The following RANBP2 variants were observed in gnomAD, a reference collection of about 807,000 sequenced individuals.
RANBP2 encodes RAN binding protein 2.
Under a neutral mutation model 303.6 loss-of-function variants are expected in RANBP2, and 57 were observed. The observed-to-expected ratio is 0.19, with a 90% CI of 0.15 to 0.23. The LOEUF is 0.23. Ranked by LOEUF, RANBP2 falls within the 10% of genes least tolerant of loss-of-function variation. The pLI is 1.00. For missense variants in RANBP2, 3,138 were observed against 3,780.8 expected (o/e 0.83, Z 4.46); for synonymous variants, 1,167 against 1,301.5 (o/e 0.90, Z 2.23).
the RANBP2 span, among the ~76,000 whole-genome samples, chr2:109,728,999 A>C: frequency 6.6e-6 from 1 of 152,076 alleles, no homozygotes; most frequent in African/African-American, 2.4e-5. Context: ...GGGCAGACAA[A>C]ATCCCCAAAT....
chr2:108,805,390 C>T, the RANBP2 span, among the ~76,000 whole-genome samples: 1 of 152,094 alleles, frequency 6.6e-6, no homozygotes, highest in Admixed American at 6.6e-5. Context: ...CTCATGTTCT[C>T]ATGGTTATAA....
chr2:109,712,839 GAAATGA>G, the RANBP2 span, among the ~76,000 whole-genome samples: 3 of 152,284 alleles, frequency 2.0e-5, no homozygotes, highest in South Asian at 4.1e-4. Flanking sequence ...GATTTTAAAA[GAAATGA>G]AAATGAAAGT....
the RANBP2 span, among the ~76,000 whole-genome samples, chr2:109,475,989 T>G: frequency 6.6e-6 from 1 of 152,234 alleles, no homozygotes; most frequent in Admixed American, 6.5e-5. Flanking sequence ...TGACTCTTCT[T>G]GCTCAGCTGA....
chr2:108,917,643 TA>T, the RANBP2 span, among the ~76,000 whole-genome samples: 2 of 152,104 alleles, frequency 1.3e-5, no homozygotes, highest in African/African-American at 2.4e-5. Flanking sequence ...ATGCTAAGAC[TA>T]GAGGGGGGTC....
chr2:108,934,603 C>T, the RANBP2 span, among the ~76,000 whole-genome samples: 4 of 152,120 alleles, frequency 2.6e-5, no homozygotes, highest in Non-Finnish European at 4.4e-5. Context: ...AGTCCAAGAG[C>T]GACTGGCTGC....
the RANBP2 span, among the ~76,000 whole-genome samples, chr2:109,105,704 G>A: frequency 6.6e-6 from 1 of 151,596 alleles, no homozygotes; most frequent in Non-Finnish European, 1.5e-5. Flanking sequence ...ACAGGCATGC[G>A]CCACCACGCC....
chr2:108,776,994 T>C (rs1677934685), intron 24 of RANBP2, 136 bp from the exon 25 acceptor site: 4 of 700,110 alleles, frequency 5.7e-6, no homozygotes, highest in Non-Finnish European at 9.6e-6. Context: ...GGATGTATTT[T>C]GTAACTTGAC....
At chr2:109,717,601 A>G in the RANBP2 span, among the ~76,000 whole-genome samples, 3 of 103,322 alleles carry the variant, frequency 2.9e-5, no homozygotes, top group Admixed American at 3.1e-4. Flanking sequence ...AAAACAACAA[A>G]ACAACAACAA....
chr2:109,230,864 G>A, the RANBP2 span, among the ~76,000 whole-genome samples: 1 of 152,178 alleles, frequency 6.6e-6, no homozygotes, highest in African/African-American at 2.4e-5. Flanking sequence ...GAGTTCACTG[G>A]CCAATAGGAC....
At chr2:109,346,757 A>G in the RANBP2 span, among the ~76,000 whole-genome samples, 1 of 152,208 alleles carries the variant, frequency 6.6e-6, no homozygotes, top group Non-Finnish European at 1.5e-5. Flanking sequence ...TTTCAGAGCT[A>G]GTCACGGTTT....
chr2:109,451,012 C>T, the RANBP2 span, among the ~76,000 whole-genome samples: 1 of 152,258 alleles, frequency 6.6e-6, no homozygotes, highest in Admixed American at 6.5e-5. Flanking sequence ...ACCCTGGAGG[C>T]AGGCCCTGCT....
chr2:108,835,485 C>T, the RANBP2 span, among the ~76,000 whole-genome samples: 1 of 152,112 alleles, frequency 6.6e-6, no homozygotes, highest in Non-Finnish European at 1.5e-5. Flanking sequence ...CCACTGATAA[C>T]AGCGATATGA....
At chr2:109,570,449 GACAAT>G in the RANBP2 span, among the ~76,000 whole-genome samples, 1 of 151,510 alleles carries the variant, frequency 6.6e-6, no homozygotes. Context: ...TTTTTTTAAT[GACAAT>G]ACAACAAGAA....
the RANBP2 span, among the ~76,000 whole-genome samples, chr2:109,488,371 C>T: frequency 3.3e-5 from 5 of 152,216 alleles, no homozygotes; most frequent in Admixed American, 2.6e-4. Context: ...CAAGGTCACC[C>T]TCTCATCAAG....
the RANBP2 span, among the ~76,000 whole-genome samples, chr2:109,778,692 C>T: frequency 1.4e-5 from 2 of 139,234 alleles, no homozygotes; most frequent in Admixed American, 7.6e-5. Flanking sequence ...TTTTTCTTTT[C>T]TCTCTCTCTC....
At chr2:109,613,172 A>C in the RANBP2 span, 10 of 1,288,892 alleles carry the variant, frequency 7.8e-6, no homozygotes, top group Non-Finnish European at 1.0e-5. Flanking sequence ...AAATAGTTGT[A>C]ACCACACTTG....
the RANBP2 span, among the ~76,000 whole-genome samples, chr2:109,169,039 G>A: frequency 7.9e-4 from 121 of 152,308 alleles, no homozygotes; most frequent in African/African-American, 2.8e-3. Flanking sequence ...CTTGGTCACT[G>A]AGGGCTGAGA....
chr2:109,506,873 G>T, the RANBP2 span, among the ~76,000 whole-genome samples: 1 of 152,158 alleles, frequency 6.6e-6, no homozygotes, highest in Admixed American at 6.5e-5. Flanking sequence ...GGAAACCGAG[G>T]CACCACCATC....
At chr2:108,824,178 TTCA>T in the RANBP2 span, among the ~76,000 whole-genome samples, 1 of 152,052 alleles carries the variant, frequency 6.6e-6, no homozygotes, top group Non-Finnish European at 1.5e-5. Context: ...AAATTTTTTC[TTCA>T]TTAACAAATT....
Sources: gnomAD v4.1 joint callset for allele counts (sites outside exome capture counted in the v4.1 genomes callset) on GRCh38, gnomAD v4.1.1 for gene constraint, MANE v1.5 for transcripts, NCBI Gene and HGNC (gene_info 2026-07-23, HGNC 2026-07-21) for gene names.